Variants in RHPN2 observed in about 807,000 individuals in gnomAD.
RHPN2 encodes rhophilin Rho GTPase binding protein 2.
In RHPN2, 40 loss-of-function variants were observed where a neutral mutation model predicts 79.0. The observed-to-expected ratio is 0.51, with a 90% CI of 0.39 to 0.66. RHPN2 has a LOEUF of 0.66. Among genes scored for constraint, RHPN2 ranks in the 30% least tolerant of loss-of-function variants. The probability of loss-of-function intolerance (pLI) is 0.00; values close to 1 mark genes in which losing one functional copy is unlikely to be tolerated. For missense variants in RHPN2, 686 were observed against 883.5 expected (o/e 0.78, Z 2.83); for synonymous variants, 285 against 363.5 (o/e 0.78, Z 2.46).
intron 1 of RHPN2, among the ~76,000 whole-genome samples, chr19:33,062,806 T>TAATA (rs1972293020): frequency 6.9e-6 from 1 of 145,856 alleles, no homozygotes; most frequent in Non-Finnish European, 1.5e-5. Flanking sequence ...TAATAATAAT[T>TAATA]AATAAATGAA....
chr19:33,050,707 T>G (rs1972179669), intron 1 of RHPN2, among the ~76,000 whole-genome samples: 1 of 152,206 alleles, frequency 6.6e-6, no homozygotes, highest in Admixed American at 6.5e-5. Context: ...AGACAGAGTT[T>G]CGCTCTTGTT....
Position 32,999,577 on chromosome 19 carries a change from G to A in RHPN2, c.1225+9C>T, listed in dbSNP as rs776196651. ...TGGGGCCCACATCTGGGTGCAGGGG[G>A]ACACGCACCCAGCTGTCGGCGCTGC... On this transcript the variant is annotated intron_variant, in intron 10 of 14. Coordinates refer to ENST00000254260, the MANE Select transcript of RHPN2 (RefSeq NM_033103.5). 3 of 1,609,440 alleles carry A rather than the reference G, an allele frequency of 1.9e-6. No homozygotes were observed. Among genetic ancestry groups the A allele is most frequent in the African/African-American group, 2.7e-5 (2 of 74,766 alleles).
intron 4 of RHPN2, among the ~76,000 whole-genome samples, chr19:33,020,798 G>A (rs1971917981): frequency 1.3e-5 from 2 of 152,178 alleles, no homozygotes; most frequent in Admixed American, 6.6e-5. Flanking sequence ...ACTGTGCCCG[G>A]CCTTTAGCCA....
intron 3 of RHPN2, among the ~76,000 whole-genome samples, chr19:33,024,016 T>C (rs916864660): frequency 6.6e-6 from 1 of 152,170 alleles, no homozygotes; most frequent in Admixed American, 6.6e-5. Flanking sequence ...CCGACATTTA[T>C]TCCCAAACCT....
At chr19:32,989,032 C>T (rs1035365733) in intron 14 of RHPN2, among the ~76,000 whole-genome samples, 4 of 152,204 alleles carry the variant, frequency 2.6e-5, no homozygotes, top group Admixed American at 6.5e-5. Context: ...GAGGGAAGGT[C>T]GAGGGTACAT....
chr19:32,983,246 C>T (rs1031370605), intron 14 of RHPN2, among the ~76,000 whole-genome samples: 6 of 152,130 alleles, frequency 3.9e-5, no homozygotes, highest in Non-Finnish European at 5.9e-5. Context: ...GGCGTGGTGG[C>T]TCACGCCTGT....
chr19:33,012,614 A>C, intron 5 of RHPN2, 33 bp downstream of exon 5: 14 of 1,340,024 alleles, frequency 1.0e-5, no homozygotes, highest in Middle Eastern at 1.8e-4. Flanking sequence ...CGGAAAAGCC[A>C]CCCTCCCCTC....
chr19:33,006,471 G>A (rs888205478), intron 7 of RHPN2, among the ~76,000 whole-genome samples: 6 of 152,210 alleles, frequency 3.9e-5, no homozygotes, highest in African/African-American at 1.4e-4. Flanking sequence ...CAAAGCTATG[G>A]TTCTTCACAA....
chr19:32,987,852 C>A (rs1230238719), intron 14 of RHPN2, among the ~76,000 whole-genome samples: 1 of 152,130 alleles, frequency 6.6e-6, no homozygotes, highest in Non-Finnish European at 1.5e-5. Flanking sequence ...ATTTCTCTCT[C>A]CTTCACCTCC....
At chr19:33,023,599 A>AAC (rs1971942267) in intron 3 of RHPN2, among the ~76,000 whole-genome samples, 1 of 151,454 alleles carries the variant, frequency 6.6e-6, no homozygotes, top group Admixed American at 6.6e-5. Flanking sequence ...CATCCTGGCT[A>AAC]ACGGTGAAAC....
chr19:33,061,290 G>A (rs541199984), intron 1 of RHPN2, among the ~76,000 whole-genome samples: 279 of 145,528 alleles, frequency 1.9e-3, no homozygotes, highest in African/African-American at 6.9e-3. Flanking sequence ...GCGCAATCTC[G>A]GCTCACTGCA....
rs368151921 is a variant in RHPN2 at position 33,039,557 on chromosome 19, G to A, written c.185+4692C>T. Among the ~76,000 whole-genome samples, 39 of 152,164 alleles carry A rather than the reference G, an allele frequency of 2.6e-4. No individual in the cohort carries two copies. The East Asian group carries it at 7.3e-3, about 29-fold the overall frequency. ...CCAAAACTTAAAAATTCAACAATCG[G>A]CCAGGCACAGTGGGTCATGCCTGTA... On this transcript the variant is annotated intron_variant, in intron 2 of 14. Transcript: ENST00000254260.
At chr19:33,003,357 CAAAAAAAAAAA>C (rs56166279) in intron 7 of RHPN2, among the ~76,000 whole-genome samples, 2 of 66,618 alleles carry the variant, frequency 3.0e-5, no homozygotes, top group Admixed American at 2.2e-4. Flanking sequence ...GACTCTGTCT[CAAAAAAAAAAA>C]AAAAAAAAAA....
chr19:33,001,675 C>T (rs1253502178), intron 9 of RHPN2, among the ~76,000 whole-genome samples: 5 of 152,064 alleles, frequency 3.3e-5, no homozygotes, highest in South Asian at 2.1e-4. Flanking sequence ...GGCACAATCT[C>T]GGCTCACTGC....
At chr19:33,027,941 G>A (rs1476503120) in intron 2 of RHPN2, among the ~76,000 whole-genome samples, 2 of 152,022 alleles carry the variant, frequency 1.3e-5, no homozygotes, top group South Asian at 2.1e-4. Context: ...TTCTCACCAG[G>A]AACAAGGCAA....
At chr19:33,008,203 G>A (rs373304690) in intron 6 of RHPN2, 23 bp from the exon 7 acceptor site, 16 of 1,610,726 alleles carry the variant, frequency 9.9e-6, no homozygotes, top group East Asian at 6.7e-5. Context: ...AATGCATTCC[G>A]AGAATACAGA....
intron 11 of RHPN2, 110 bp downstream of exon 11, chr19:32,995,916 T>C (rs8110267): frequency 0.74 from 753,737 of 1,020,286 alleles, 282,902 homozygotes; most frequent in African/African-American, 0.95. Flanking sequence ...CCTGTGCAGC[T>C]CTCCTTGTGC....
intron 6 of RHPN2, among the ~76,000 whole-genome samples, chr19:33,009,612 C>T (rs770565332): frequency 9.2e-5 from 14 of 151,522 alleles, no homozygotes; most frequent in African/African-American, 2.9e-4. Flanking sequence ...CACCCATGAC[C>T]GGCAAATTTT....
intron 1 of RHPN2, among the ~76,000 whole-genome samples, chr19:33,045,296 C>T (rs1972133520): frequency 6.6e-6 from 1 of 152,046 alleles, no homozygotes; most frequent in Non-Finnish European, 1.5e-5. Context: ...AAGTGATCCA[C>T]CTGCCTTGGC....
Sources: allele counts gnomAD v4.1 joint callset (sites outside exome capture counted in the v4.1 genomes callset), GRCh38; gene constraint gnomAD v4.1.1; transcripts MANE v1.5; gene names NCBI Gene and HGNC (gene_info 2026-07-23, HGNC 2026-07-21).